Variants in MYOF observed in about 807,000 individuals in gnomAD.
MYOF encodes the protein myoferlin, also known as fer-1-like 3, myoferlin.
A neutral mutation model predicts 284.2 loss-of-function variants in MYOF; 244 were observed. The observed-to-expected ratio is 0.86, with a 90% CI of 0.77 to 0.95. The LOEUF (loss-of-function observed/expected upper bound fraction) is 0.95. Among genes scored for constraint, MYOF ranks in the 40% least tolerant of loss-of-function variants. MYOF has a pLI of 0.00. For missense variants in MYOF, 2,496 were observed against 2,560.6 expected, an observed-to-expected ratio of 0.97 and a Z score of 0.54; for synonymous variants, 904 against 919.7, an observed-to-expected ratio of 0.98 and a Z score of 0.31.
intron 2 of MYOF, among the ~76,000 whole-genome samples, chr10:93,456,522 T>C (rs1442885628): frequency 1.3e-5 from 2 of 152,218 alleles, no homozygotes; most frequent in African/African-American, 4.8e-5. Flanking sequence ...TTATGAGGCC[T>C]TCCTTCTGAG....
chr10:93,389,253 C>G, intron 17 of MYOF, 99 bp from the exon 18 acceptor site: 1 of 1,372,956 alleles, frequency 7.3e-7, no homozygotes, highest in Non-Finnish European at 9.6e-7. Flanking sequence ...TATTTTCCTC[C>G]ATTTTGGGAG....
chr10:93,318,298 A>G (rs974125938), intron 49 of MYOF, among the ~76,000 whole-genome samples: 4 of 152,044 alleles, frequency 2.6e-5, no homozygotes, highest in African/African-American at 7.2e-5. Context: ...ATGCATGCCT[A>G]TAGTTCCAGC....
Position 93,408,838 on chromosome 10 carries a change from G to A in MYOF, c.678C>T (p.Gly226=). Residue 226 remains glycine, a synonymous_variant, in exon 7 of 54, where the codon GGC becomes GGT. Coordinates refer to ENST00000359263, the MANE Select transcript of MYOF (RefSeq NM_013451.4). ...IRPVVKVHVC[G]QTHRTRIKRG... ...TCTTGATTCTTGTTCGGTGTGTCTG[G>A]CCACAGACGTGAACTTTGACCACAG... is the stretch of plus-strand genomic sequence containing the variant. 1 of 1,614,156 alleles carries A rather than the reference G, an allele frequency of 6.2e-7. No homozygotes were observed. Among genetic ancestry groups the A allele is most frequent in the Non-Finnish European group, 8.5e-7 (1 of 1,180,042 alleles).
intron 3 of MYOF, among the ~76,000 whole-genome samples, chr10:93,441,220 A>G (rs1263428380): frequency 1.3e-5 from 2 of 152,194 alleles, no homozygotes; most frequent in Non-Finnish European, 2.9e-5. Context: ...TGAGCTTTAT[A>G]ACTAGGAGAA....
intron 42 of MYOF, 93 bp downstream of exon 42, chr10:93,333,665 A>T: frequency 1.3e-6 from 2 of 1,492,424 alleles, no homozygotes; most frequent in Non-Finnish European, 1.8e-6. Context: ...TAGTGAGATA[A>T]CAGACGCCCA....
At chr10:93,388,026 C>A in intron 18 of MYOF, 113 bp from the exon 19 acceptor site, 2 of 778,688 alleles carry the variant, frequency 2.6e-6, no homozygotes, top group South Asian at 1.5e-5. Context: ...ATGGCCCTAA[C>A]CTTCGAAATG....
rs199817619 is a variant in MYOF, at chr10:93,359,832, C to A, written c.3120+1G>T. 1 of 1,614,126 alleles carries A rather than the reference C, an allele frequency of 6.2e-7. No homozygotes were observed. Among genetic ancestry groups the A allele is most frequent in the Non-Finnish European group, 8.5e-7 (1 of 1,180,010 alleles). On this transcript the variant is annotated splice_donor_variant, in intron 29 of 53. Coordinates refer to ENST00000359263, the MANE Select transcript of MYOF (RefSeq NM_013451.4). LOFTEE classifies it high-confidence loss of function. ...CAGCTCCCTTCCCTTGCTTCTCTTA[C>A]CCTTGCGGTGCTTGAAGCAGTCTGT...
intron 15 of MYOF, 134 bp from the exon 16 acceptor site, chr10:93,396,358 C>T (rs1189792823): frequency 1.7e-5 from 10 of 591,494 alleles, no homozygotes; most frequent in Non-Finnish European, 2.5e-5. Flanking sequence ...ATAATCACGT[C>T]TAGTGGGCCT....
rs1589487843 is a variant in MYOF at position 93,389,772 on chromosome 10, G to C, written c.1457-618C>G. Among the ~76,000 whole-genome samples, 3 of 152,256 alleles carry C rather than the reference G, an allele frequency of 2.0e-5. No individual in the cohort carries two copies. The East Asian group carries it at 5.8e-4, about 29-fold the overall frequency. ...TATTTTTGCTACCTGGTCTTAGCAAGACAACTCCTCAATGAAGGGCACTAA... is the reference window on the plus strand; with the variant it reads ...TATTTTTGCTACCTGGTCTTAGCAACACAACTCCTCAATGAAGGGCACTAA... On this transcript the variant is annotated intron_variant, in intron 17 of 53. Transcript: ENST00000359263.
chr10:93,432,505 A>G (rs983965258), intron 3 of MYOF, among the ~76,000 whole-genome samples: 1 of 152,194 alleles, frequency 6.6e-6, no homozygotes, highest in Non-Finnish European at 1.5e-5. Context: ...ATTTCTCTGT[A>G]ATAGAAATGT....
In MYOF at chr10:93,381,307, T is replaced by C. The variant is rs1471420031; in HGVS notation, c.1788A>G (p.Glu596=). ...LQDVGEAIQF[E]VSIGNYGNKF... ...TGTTGCCATAGTTCCCAATGCTGAC[T>C]TCAAACTGAATGGCCTCACCAACAT... The change falls in exon 20 of 54, where the codon GAA becomes GAG. Residue 596 remains glutamate (E), a synonymous_variant. Transcript: ENST00000359263. 6.2e-7 allele frequency: 1 copy of C among 1,614,222 alleles called. No individual in the cohort carries two copies. The highest frequency in any genetic ancestry group is 1.6e-4 in the Middle Eastern group (1 of 6,062).
chr10:93,440,488 GT>G (rs1383602083), intron 3 of MYOF, among the ~76,000 whole-genome samples: 1 of 151,990 alleles, frequency 6.6e-6, no homozygotes, highest in Non-Finnish European at 1.5e-5. Context: ...TCACCCTGCT[GT>G]TTTCTCTCCT....
chr10:93,394,618 G>C (rs1393906987), intron 16 of MYOF, among the ~76,000 whole-genome samples: 1 of 150,676 alleles, frequency 6.6e-6, no homozygotes, highest in Non-Finnish European at 1.5e-5. Flanking sequence ...CCACCACCAC[G>C]CCCGGAGAAT....
chr10:93,401,369 A>C lies in MYOF; in HGVS notation c.1117+49T>G, dbSNP rs544495513. 1.7e-5 allele frequency: 27 copies of C among 1,602,012 alleles called. No homozygotes were observed. In the South Asian group the frequency reaches 3.0e-4, roughly 18 times the overall value. On this transcript the variant is annotated intron_variant, in intron 12 of 53. Coordinates refer to ENST00000359263, the MANE Select transcript of MYOF (RefSeq NM_013451.4). ...TAAAGTTTGATTTTTAACACATTTC[A>C]TCACACACATAATCAACAATTCTGG... is the stretch of plus-strand genomic sequence containing the variant.
chr10:93,366,356 T>C, intron 26 of MYOF, 36 bp downstream of exon 26: 1 of 1,597,554 alleles, frequency 6.3e-7, no homozygotes. Context: ...AAAGATTTCA[T>C]TGCTATCCTT....
At chr10:93,356,309 A>G (rs545865803) in intron 30 of MYOF, among the ~76,000 whole-genome samples, 28 of 152,316 alleles carry the variant, frequency 1.8e-4, no homozygotes, top group Admixed American at 7.2e-4. Context: ...TATATTTATG[A>G]ATATACATAT....
intron 2 of MYOF, among the ~76,000 whole-genome samples, 153 bp from the exon 3 acceptor site, chr10:93,452,294 T>C (rs1050858574): frequency 6.6e-6 from 1 of 152,106 alleles, no homozygotes; most frequent in African/African-American, 2.4e-5. Context: ...ATTCTAAACC[T>C]GAAGGCAGCT....
At chr10:93,475,380 G>A (rs2057237185) in intron 1 of MYOF, among the ~76,000 whole-genome samples, 1 of 152,090 alleles carries the variant, frequency 6.6e-6, no homozygotes, top group Admixed American at 6.6e-5. Context: ...TATTTTCCTT[G>A]CCAGGAACAA....
At chr10:93,412,134 A>G (rs947571791) in intron 5 of MYOF, among the ~76,000 whole-genome samples, 52 of 152,238 alleles carry the variant, frequency 3.4e-4, no homozygotes, top group Admixed American at 3.3e-3. Flanking sequence ...AGGTCCAGAA[A>G]GCTAAGGCAA....
Sources: gnomAD v4.1 joint callset for allele counts (sites outside exome capture counted in the v4.1 genomes callset) on GRCh38, gnomAD v4.1.1 for gene constraint, MANE v1.5 for transcripts, NCBI Gene and HGNC (gene_info 2026-07-23, HGNC 2026-07-21) for gene names.